The following CACNA1S variants were observed in gnomAD, a reference collection of about 807,000 sequenced individuals.
CACNA1S encodes the protein calcium voltage-gated channel subunit alpha1 S.
Under a neutral mutation model 207.4 loss-of-function variants are expected in CACNA1S, and 126 were observed. That is an observed-to-expected ratio of 0.61 (90% confidence interval 0.53 to 0.70). The LOEUF (loss-of-function observed/expected upper bound fraction) is 0.70. Among genes scored for constraint, CACNA1S ranks in the 30% least tolerant of loss-of-function variants. The probability of loss-of-function intolerance (pLI) is 0.00; values close to 1 mark genes in which losing one functional copy is unlikely to be tolerated. For synonymous variants in CACNA1S, 960 were observed against 932.7 expected (o/e 1.03, Z -0.53); for missense variants, 2,349 against 2,422.8 (o/e 0.97, Z 0.64).
chr1:201,069,982 A>C (rs1018361096), intron 17 of CACNA1S, among the ~76,000 whole-genome samples: 18 of 152,222 alleles, frequency 1.2e-4, no homozygotes, highest in Admixed American at 1.0e-3. Context: ...TATGAAGCCG[A>C]TAAAAACTAT....
chr1:201,048,856 G>A lies in CACNA1S; in HGVS notation c.4338+147C>T, dbSNP rs543596425. ...GAATGATGAGTTGGGTGACATTGCT[G>A]AGACTTCAGGCCCTTTGGGAGGAAC... On this transcript the variant is annotated intron_variant, in intron 35 of 43. Coordinates refer to ENST00000362061, the MANE Select transcript of CACNA1S (RefSeq NM_000069.3). The A allele has an allele frequency of 2.1e-5, 17 of 826,712 alleles. No homozygotes were observed. In the African/African-American group the frequency reaches 2.4e-4, roughly 11 times the overall value. 51.2% of individuals were successfully genotyped at this position (826,712 alleles called of 1,614,324 possible).
chr1:201,047,001 CT>C, intron 38 of CACNA1S, 113 bp downstream of exon 38: 29 of 1,420,522 alleles, frequency 2.0e-5, no homozygotes, highest in Non-Finnish European at 2.6e-5. Context: ...TCTGGGCTTC[CT>C]TTTTCCCTCT....
chr1:201,067,672 C>A (rs1003875708), intron 19 of CACNA1S, among the ~76,000 whole-genome samples: 1 of 152,206 alleles, frequency 6.6e-6, no homozygotes. Flanking sequence ...TCCTCTCTGG[C>A]AATGTCCCCA....
intron 10 of CACNA1S, among the ~76,000 whole-genome samples, chr1:201,080,942 G>A (rs1189470955): frequency 6.6e-6 from 1 of 152,204 alleles, no homozygotes; most frequent in South Asian, 2.1e-4. Context: ...CTTGGACCAT[G>A]AGAGGTAGTG....
intron 40 of CACNA1S, 94 bp from the exon 41 acceptor site, chr1:201,041,683 G>T: frequency 1.0e-6 from 1 of 960,414 alleles, no homozygotes. Flanking sequence ...TTCCCTCAGA[G>T]CCTGTACAAG....
chr1:201,088,130 C>T (rs1028896721), intron 6 of CACNA1S, among the ~76,000 whole-genome samples: 1 of 152,176 alleles, frequency 6.6e-6, no homozygotes, highest in Non-Finnish European at 1.5e-5. Context: ...GGAAGGATCT[C>T]CCTAGGGAGA....
chr1:201,043,693 T>C (rs562459366), intron 39 of CACNA1S, among the ~76,000 whole-genome samples, 162 bp from the exon 40 acceptor site: 1 of 152,002 alleles, frequency 6.6e-6, no homozygotes, highest in South Asian at 2.1e-4. Context: ...AAGAAGAAAA[T>C]TCCCACCCTT....
In CACNA1S at chr1:201,073,475, C is replaced by A. The variant is rs896921571; in HGVS notation, c.2157+74G>T. The A allele has an allele frequency of 4.1e-6, 5 of 1,221,968 alleles. No homozygotes were observed. In the Admixed American group the frequency reaches 8.4e-5, roughly 21 times the overall value. 75.7% of individuals were successfully genotyped at this position (1,221,968 alleles called of 1,614,324 possible). On this transcript the variant is annotated intron_variant, in intron 15 of 43. Transcript: ENST00000362061. Reference sequence around the variant, plus strand: ...CCTCCCCACCCTACCCCACCTGTACCCTGTGGTATGAAGGGAACCATGGAT... The same window carrying A: ...CCTCCCCACCCTACCCCACCTGTACACTGTGGTATGAAGGGAACCATGGAT...
chr1:201,096,935 C>T (rs1443284839), intron 2 of CACNA1S, among the ~76,000 whole-genome samples: 1 of 152,174 alleles, frequency 6.6e-6, no homozygotes, highest in African/African-American at 2.4e-5. Context: ...TTGGCTTCGA[C>T]CCACCTCACA....
rs1368099409 is a variant in CACNA1S, at chr1:201,110,190, C to A, written c.232G>T (p.Asp78Tyr). ...LAVYLPMPED[D>Y]NNSLNLGLEK... is the part of the protein sequence containing the mutation. ...AGGCCGAGGTTCAGAGAGTTGTTGT[C>A]ATCTTCCGGCATGGGCAGGTACACG... is the stretch of plus-strand genomic sequence containing the variant. Residue 78 changes from aspartate (D) to tyrosine (Y), a missense_variant, in exon 2 of 44, where the codon GAC becomes TAC. Asp to Tyr is a radical substitution (Grantham distance 160). Coordinates refer to ENST00000362061, the MANE Select transcript of CACNA1S (RefSeq NM_000069.3). 1.9e-6 allele frequency: 3 copies of A among 1,614,062 alleles called. No homozygotes were observed. Among genetic ancestry groups the A allele is most frequent in the Admixed American group, 3.3e-5 (2 of 60,002 alleles).
chr1:201,070,376 G>T lies in CACNA1S; in HGVS notation c.2256C>A (p.Ile752=). ...PGDDEEDEPE[I]PLSPRPRPLA... is the part of the protein sequence containing the mutation. ...GGGGACGTGGTCGGGGGCTCAGCGGGATCTCAGGCTCATCTTCCTCGTCAT... is the reference window on the plus strand; with the variant it reads ...GGGGACGTGGTCGGGGGCTCAGCGGTATCTCAGGCTCATCTTCCTCGTCAT... Residue 752 remains isoleucine (I), a synonymous_variant, in exon 17 of 44, where the codon ATC becomes ATA. Transcript: ENST00000362061. 1 of 1,614,070 alleles carries T rather than the reference G, an allele frequency of 6.2e-7. No individual in the cohort carries two copies. The highest frequency in any genetic ancestry group is 8.5e-7 in the Non-Finnish European group (1 of 1,179,998).
chr1:201,069,351 A>T (rs1245077384), intron 18 of CACNA1S, 121 bp downstream of exon 18: 1 of 1,487,396 alleles, frequency 6.7e-7, no homozygotes, highest in African/African-American at 1.4e-5. Flanking sequence ...TCCCTGAGGA[A>T]CTGAACTCTA....
chr1:201,106,241 A>C (rs1558088748), intron 2 of CACNA1S, among the ~76,000 whole-genome samples: 1 of 146,242 alleles, frequency 6.8e-6, no homozygotes, highest in East Asian at 2.0e-4. Context: ...CATCTTTACC[A>C]TCACCAGTGC....
At chr1:201,099,308 T>C (rs956673179) in intron 2 of CACNA1S, among the ~76,000 whole-genome samples, 1 of 152,184 alleles carries the variant, frequency 6.6e-6, no homozygotes, top group South Asian at 2.1e-4. Flanking sequence ...AGGCTCCCCA[T>C]GTGCCCCGCT....
chr1:201,070,338 T>C lies in CACNA1S; in HGVS notation c.2294A>G (p.Gln765Arg). Reference protein sequence around the residue: ...SPRPRPLAELQLKEKAVPIPE... With the variant: ...SPRPRPLAELRLKEKAVPIPE... ...AATGGGCACGGCCTTCTCTTTCAGC[T>C]GCAGCTCAGCCAGGGGACGTGGTCG... is the stretch of plus-strand genomic sequence containing the variant. The change falls in exon 17 of 44, where the codon CAG becomes CGG. Residue 765 changes from glutamine to arginine, a missense_variant. Transcript: ENST00000362061. The C allele has an allele frequency of 6.2e-7, 1 of 1,614,150 alleles. No individual in the cohort carries two copies. The highest frequency in any genetic ancestry group is 8.5e-7 in the Non-Finnish European group (1 of 1,180,042).
intron 2 of CACNA1S, among the ~76,000 whole-genome samples, chr1:201,100,563 G>T (rs1662614869): frequency 6.6e-6 from 1 of 152,152 alleles, no homozygotes. Context: ...CCCTCTTCCA[G>T]TTCCCTCTTC....
In CACNA1S at chr1:201,051,126, G is replaced by C; in HGVS notation, c.3971C>G (p.Ala1324Gly). Residue 1324 changes from alanine to glycine, a missense_variant, in exon 33 of 44, where the codon GCC becomes GGC. Coordinates refer to ENST00000362061, the MANE Select transcript of CACNA1S (RefSeq NM_000069.3). The stretch of plus-strand genomic sequence containing the variant: ...GCAGGCCAGTAGGATCTCCTGCCAG[G>C]CCTCACCTGTTGCACACCTAGAGGA... Reference protein sequence around the residue: ...LLLFRCATGEAWQEILLACSY... With the variant: ...LLLFRCATGEGWQEILLACSY... The C allele has an allele frequency of 6.2e-7, 1 of 1,614,196 alleles. No homozygotes were observed. The highest frequency in any genetic ancestry group is 1.1e-5 in the South Asian group (1 of 91,088).
At chr1:201,051,169 A>C in intron 32 of CACNA1S, 26 bp from the exon 33 acceptor site, 3 of 1,613,542 alleles carry the variant, frequency 1.9e-6, no homozygotes, top group Non-Finnish European at 2.5e-6. Flanking sequence ...GGCTCCTGTC[A>C]CCTATCTGCT....
chr1:201,078,690 G>A (rs546943338), intron 10 of CACNA1S, among the ~76,000 whole-genome samples: 1 of 152,132 alleles, frequency 6.6e-6, no homozygotes, highest in East Asian at 1.9e-4. Flanking sequence ...GAAGGGTCCT[G>A]CCACCTACCT....
Sources: allele counts gnomAD v4.1 joint callset (sites outside exome capture counted in the v4.1 genomes callset), GRCh38; gene constraint gnomAD v4.1.1; transcripts MANE v1.5; gene names NCBI Gene and HGNC (gene_info 2026-07-23, HGNC 2026-07-21).